The following PNPLA3 variants were observed in gnomAD, a reference collection of about 807,000 sequenced individuals.
PNPLA3 encodes patatin like domain 3, 1-acylglycerol-3-phosphate O-acyltransferase, also known as 1-acylglycerol-3-phosphate O-acyltransferase PNPLA3.
Under a neutral mutation model 43.1 loss-of-function variants are expected in PNPLA3, and 42 were observed. The ratio of observed to expected loss-of-function variants is 0.97; its 90% CI spans 0.76 to 1.26. The LOEUF (loss-of-function observed/expected upper bound fraction) is 1.26. Among genes scored for constraint, PNPLA3 ranks in the 50% most tolerant of loss-of-function variants. The pLI, the probability that PNPLA3 is intolerant of heterozygous loss-of-function variation, is 0.00. For missense variants in PNPLA3, 647 were observed against 621.4 expected (o/e 1.04, Z -0.44); for synonymous variants, 272 against 253.6 (o/e 1.07, Z -0.69).
rs765749635 is a variant in PNPLA3 at position 43,940,083 on chromosome 22, C to G, written c.1070C>G (p.Pro357Arg). 1 of 1,614,106 alleles carries G rather than the reference C, an allele frequency of 6.2e-7. No individual in the cohort carries two copies. The highest frequency in any genetic ancestry group is 2.2e-5 in the East Asian group (1 of 44,864). The change falls in exon 7 of 9, where the codon CCC (proline) becomes CGC (arginine). Residue 357 changes from proline (P) to arginine (R), a missense_variant. Physicochemically the swap from Pro to Arg is moderately radical, Grantham distance 103 (BLOSUM62 -2). Transcript: ENST00000216180. ...PIRIMSYVML[P>R]CTLPVESAIA... ...AGGATAATGTCTTATGTAATGCTGCCCTGTACCCTGCCTGTGGAATCTGCC... is the reference window on the plus strand; with the variant it reads ...AGGATAATGTCTTATGTAATGCTGCGCTGTACCCTGCCTGTGGAATCTGCC...
chr22:43,926,605 G>A (rs955044432), intron 1 of PNPLA3, among the ~76,000 whole-genome samples: 4 of 152,180 alleles, frequency 2.6e-5, no homozygotes, highest in African/African-American at 9.7e-5. Context: ...TTTTCTAGAA[G>A]CCACATTGAA....
At chr22:43,944,355 A>G (rs553540552) in intron 7 of PNPLA3, among the ~76,000 whole-genome samples, 17 of 152,314 alleles carry the variant, frequency 1.1e-4, no homozygotes, top group African/African-American at 4.1e-4. Flanking sequence ...ACAGCAAACC[A>G]TGAGGCAGGG....
intron 7 of PNPLA3, among the ~76,000 whole-genome samples, chr22:43,943,677 T>C (rs1053995099): frequency 2.0e-5 from 3 of 152,338 alleles, no homozygotes; most frequent in African/African-American, 7.2e-5. Context: ...CTGGGAAACA[T>C]AGGGTGGTTG....
chr22:43,934,394 G>A (rs4823174), intron 4 of PNPLA3, among the ~76,000 whole-genome samples: 45,382 of 151,198 alleles, frequency 0.3, 7,736 homozygotes, highest in Middle Eastern at 0.43. Flanking sequence ...CAAAGTCTCC[G>A]TGGAAGGGTG....
rs1569018546 is a variant in PNPLA3 at position 43,946,709 on chromosome 22, GGT to G, written c.*330_*331del. ...CCAGCATGAGGTTCTTAGAATGACA[GGT>G]GTTTGGATGGGTGGGGGCCTTGTGA... On this transcript the variant is annotated 3_prime_UTR_variant, in exon 9 of 9. Transcript: ENST00000216180. The G allele has an allele frequency of 1.8e-6, 1 of 552,808 alleles. No homozygotes were observed. The highest frequency in any genetic ancestry group is 1.9e-5 in the Admixed American group (1 of 52,408). 34.2% of individuals were successfully genotyped at this position (552,808 alleles called of 1,614,324 possible).
intron 8 of PNPLA3, 36 bp from the exon 9 acceptor site, chr22:43,946,118 A>G (rs1291356560): frequency 6.3e-7 from 1 of 1,594,076 alleles, no homozygotes; most frequent in East Asian, 2.2e-5. Context: ...CAGCAGCGGG[A>G]ACGGCCTCTA....
chr22:43,927,263 C>A (rs1603415856), intron 2 of PNPLA3, 96 bp downstream of exon 2: 2 of 1,146,616 alleles, frequency 1.7e-6, no homozygotes, highest in South Asian at 2.7e-5. Context: ...CTTTGGGAGG[C>A]CGAAGCGGGT....
chr22:43,931,384 A>G lies in PNPLA3; in HGVS notation c.487-1494A>G, dbSNP rs2049960771. 2.6e-5 allele frequency among the ~76,000 whole-genome samples: 4 copies of G among 152,216 alleles called. No homozygotes were observed. In the East Asian group the frequency reaches 7.7e-4, roughly 29 times the overall value. ...ATAAAAAAGTTCAAAATGCATGGAA[A>G]AGTTGTACATGGCAGGAGAATATTT... On this transcript the variant is annotated intron_variant, in intron 3 of 8. Transcript: ENST00000216180.
intron 1 of PNPLA3, 31 bp from the exon 2 acceptor site, chr22:43,926,904 A>C: frequency 6.3e-7 from 1 of 1,590,724 alleles, no homozygotes; most frequent in Non-Finnish European, 8.6e-7. Flanking sequence ...AGTGTGGTAC[A>C]TTCTTTCATG....
At position 43,934,462 on chromosome 22, in the gene PNPLA3, A is replaced by T; in HGVS notation, c.697-144A>T. On this transcript the variant is annotated intron_variant, in intron 4 of 8. Coordinates refer to ENST00000216180, the MANE Select transcript of PNPLA3 (RefSeq NM_025225.3). ...CCTGGGAGCACAGAGCCCTTTGCTC[A>T]GCCCCCAGGTGGCTCAGTGCCCCCA... 10 of 743,000 alleles carry T rather than the reference A, an allele frequency of 1.3e-5. No individual in the cohort carries two copies. In the South Asian group the frequency reaches 1.7e-4, roughly 13 times the overall value. The allele number at this position is 743,000 out of a possible 1,614,324, so 46.0% of individuals were successfully genotyped here.
intron 3 of PNPLA3, among the ~76,000 whole-genome samples, chr22:43,929,594 C>CT (rs2049948463): frequency 7.0e-6 from 1 of 142,442 alleles, no homozygotes; most frequent in African/African-American, 2.6e-5. Flanking sequence ...ATATTTTTTT[C>CT]TTTTCTTTTT....
At chr22:43,946,106 T>C (rs2294917) in intron 8 of PNPLA3, 48 bp from the exon 9 acceptor site, 535,327 of 1,566,214 alleles carry the variant, frequency 0.34, 93,206 homozygotes, top group South Asian at 0.48. Context: ...GACTGCACAC[T>C]GCAGCAGCGG....
chr22:43,943,373 G>A lies in PNPLA3; in HGVS notation c.1113-1318G>A, dbSNP rs529744970. Reference sequence around the variant, plus strand: ...GGTGCATCACCTGGCAGAGCTCCCAGACAGTGACAGGCAGGCTGCGGGAAG... The same window carrying A: ...GGTGCATCACCTGGCAGAGCTCCCAAACAGTGACAGGCAGGCTGCGGGAAG... On this transcript the variant is annotated intron_variant, in intron 7 of 8. Transcript: ENST00000216180. 2.2e-3 allele frequency among the ~76,000 whole-genome samples: 342 copies of A among 152,248 alleles called. 1 individual carries two copies. Among genetic ancestry groups the A allele is most frequent in the South Asian group, 3.3e-3 (16 of 4,816 alleles).
In PNPLA3 at chr22:43,923,822, G is replaced by C. The variant is rs919513269; in HGVS notation, c.-90G>C. On this transcript the variant is annotated 5_prime_UTR_variant, in exon 1 of 9. Transcript: ENST00000216180. ...GGCAGGGTAGAGAGCGCTTGCGGGC[G>C]CCGGGCGGAGCTGCTGCGGATCAGG... 8.5e-6 allele frequency: 11 copies of C among 1,292,456 alleles called. No individual in the cohort carries two copies. Among genetic ancestry groups the C allele is most frequent in the South Asian group, 8.4e-5 (5 of 59,364 alleles). The allele number at this position is 1,292,456 out of a possible 1,614,324, so 80.1% of individuals were successfully genotyped here. A position where few individuals can be genotyped will look rare whatever the true frequency, so the allele number is the denominator to read the frequency against.
Position 43,928,763 on chromosome 22 carries a change from A to C in PNPLA3, c.421-61A>C, listed in dbSNP as rs1288412764. On this transcript the variant is annotated intron_variant, in intron 2 of 8. Transcript: ENST00000216180. ...CTGCTCACTTGGAGAAAGCTTATGA[A>C]GGATCAGGAAAATTAAAAGGGTGCT... The C allele has an allele frequency of 2.0e-6, 3 of 1,480,692 alleles. No homozygotes were observed. The African/African-American group carries it at 4.2e-5, about 21-fold the overall frequency. The allele number at this position is 1,480,692 out of a possible 1,614,324, so 91.7% of individuals were successfully genotyped here.
intron 7 of PNPLA3, among the ~76,000 whole-genome samples, chr22:43,944,304 C>T (rs930297204): frequency 1.3e-5 from 2 of 152,152 alleles, no homozygotes; most frequent in Non-Finnish European, 2.9e-5. Context: ...AGCGTTCAGA[C>T]CTCTCCATGG....
intron 7 of PNPLA3, among the ~76,000 whole-genome samples, chr22:43,943,259 C>T (rs1308462239): frequency 6.6e-6 from 1 of 151,790 alleles, no homozygotes; most frequent in African/African-American, 2.4e-5. Flanking sequence ...CTTCATCTTT[C>T]TCTTTTATGC....
rs755454679 is a variant in PNPLA3, at chr22:43,923,986, G to C, written c.75G>C (p.Ala25=). The stretch of plus-strand genomic sequence containing the variant: ...TCCTGGGCTTCTACCACGTCGGGGC[G>C]ACCCGCTGCCTGAGCGAGCACGCCC... ...CGFLGFYHVG[A]TRCLSEHAPH... The change falls in exon 1 of 9, where the codon GCG becomes GCC. Residue 25 remains alanine (A), a synonymous_variant. Transcript: ENST00000216180. The C allele has an allele frequency of 3.8e-6, 6 of 1,584,946 alleles. No individual in the cohort carries two copies. The African/African-American group carries it at 5.5e-5, about 15-fold the overall frequency.
chr22:43,929,748 C>T (rs557939359), intron 3 of PNPLA3, among the ~76,000 whole-genome samples: 3 of 151,522 alleles, frequency 2.0e-5, no homozygotes, highest in Non-Finnish European at 4.4e-5. Context: ...AGGTGCCTGC[C>T]GTCACGCCAA....
Sources: allele counts gnomAD v4.1 joint callset (sites outside exome capture counted in the v4.1 genomes callset), GRCh38; gene constraint gnomAD v4.1.1; transcripts MANE v1.5; gene names NCBI Gene and HGNC (gene_info 2026-07-23, HGNC 2026-07-21).